The following AKAP8 variants were observed in gnomAD, a reference collection of about 807,000 sequenced individuals.
The protein encoded by AKAP8 is A-kinase anchoring protein 8.
Under a neutral mutation model 67.5 loss-of-function variants are expected in AKAP8, and 24 were observed. That is an observed-to-expected ratio of 0.36 (90% CI 0.26 to 0.50). The LOEUF is 0.50. Ranked by LOEUF, AKAP8 falls within the 20% of genes least tolerant of loss-of-function variation. AKAP8 has a pLI of 0.97. For missense variants in AKAP8, 971 were observed against 955.9 expected (o/e 1.02, Z -0.21); for synonymous variants, 400 against 371.1 (o/e 1.08, Z -0.90).
chr19:15,358,498 C>T (rs1966914199), intron 13 of AKAP8, among the ~76,000 whole-genome samples: 1 of 152,040 alleles, frequency 6.6e-6, no homozygotes, highest in Non-Finnish European at 1.5e-5. Flanking sequence ...AGGCATGAGC[C>T]ATAATTCCCG....
chr19:15,368,424 C>A, intron 8 of AKAP8, 102 bp from the exon 9 acceptor site: 1 of 1,591,516 alleles, frequency 6.3e-7, no homozygotes, highest in Non-Finnish European at 8.5e-7. Context: ...GCACCCTGTG[C>A]CCTGCCACTG....
intron 12 of AKAP8, 114 bp from the exon 13 acceptor site, chr19:15,359,176 C>T: frequency 1.1e-6 from 1 of 898,288 alleles, no homozygotes; most frequent in East Asian, 2.5e-5. Context: ...AGAAGCGAAT[C>T]TCAAAACGCC....
At chr19:15,364,515 TA>T (rs1274403026) in intron 9 of AKAP8, among the ~76,000 whole-genome samples, 6 of 151,894 alleles carry the variant, frequency 4.0e-5, no homozygotes, top group African/African-American at 1.5e-4. Flanking sequence ...CACTCCCAGT[TA>T]ATTTTTGTAT....
At chr19:15,370,922 G>A (rs186804540) in intron 7 of AKAP8, among the ~76,000 whole-genome samples, 14 of 152,166 alleles carry the variant, frequency 9.2e-5, no homozygotes, top group South Asian at 6.2e-4. Context: ...GAGCCACCGC[G>A]CCAGGCCTAT....
chr19:15,379,368 A>C (rs1203808458), intron 1 of AKAP8: 1 of 307,550 alleles, frequency 3.3e-6, no homozygotes, highest in Non-Finnish European at 6.0e-6. Context: ...CCGGGAGTGC[A>C]AACCCCGGGG....
intron 10 of AKAP8, 119 bp from the exon 11 acceptor site, chr19:15,361,941 A>G (rs997205284): frequency 6.5e-5 from 88 of 1,346,988 alleles, no homozygotes; most frequent in Non-Finnish European, 8.2e-5. Flanking sequence ...GCACAGCACG[A>G]TGGCTGGAGC....
intron 2 of AKAP8, 84 bp from the exon 3 acceptor site, chr19:15,374,719 A>C (rs1230423978): frequency 4.6e-6 from 7 of 1,514,778 alleles, no homozygotes; most frequent in Non-Finnish European, 6.4e-6. Flanking sequence ...TCCACCCTCC[A>C]CAGCCCCAGG....
intron 4 of AKAP8, 55 bp downstream of exon 4, chr19:15,373,731 C>T (rs549338745): frequency 2.3e-5 from 36 of 1,541,386 alleles, no homozygotes; most frequent in Non-Finnish European, 2.8e-5. Context: ...CACTCCCATG[C>T]GCACAAAGGT....
intron 11 of AKAP8, among the ~76,000 whole-genome samples, chr19:15,361,263 C>T (rs943607432): frequency 3.7e-5 from 2 of 54,152 alleles, no homozygotes; most frequent in East Asian, 2.5e-3. Flanking sequence ...AGGCCACATC[C>T]GAAGGTTTCT....
At chr19:15,377,073 TG>T (rs1568255587) in intron 1 of AKAP8, 59 bp from the exon 2 acceptor site, 1 of 1,569,280 alleles carries the variant, frequency 6.4e-7, no homozygotes, top group Non-Finnish European at 8.7e-7. Flanking sequence ...CGGGTCCTTT[TG>T]GGGGTACTCC....
chr19:15,370,202 T>TC, intron 7 of AKAP8, 23 bp from the exon 8 acceptor site: 1 of 1,613,834 alleles, frequency 6.2e-7, no homozygotes, highest in Non-Finnish European at 8.5e-7. Context: ...ATACACAAAG[T>TC]CCGGCAGTGA....
intron 9 of AKAP8, among the ~76,000 whole-genome samples, chr19:15,366,154 G>GAAAAAAAAAAAAAAAAAAAAAA (rs374068497): frequency 1.1e-5 from 1 of 95,028 alleles, no homozygotes; most frequent in African/African-American, 4.3e-5. Context: ...AAAGCAAAAA[G>GAAAAAAAAAAAAAAAAAAAAAA]AAAAAAAAAA....
chr19:15,373,518 G>A (rs1967198603), intron 4 of AKAP8, among the ~76,000 whole-genome samples, 178 bp from the exon 5 acceptor site: 2 of 152,084 alleles, frequency 1.3e-5, no homozygotes, highest in South Asian at 2.1e-4. Flanking sequence ...TGCTGAGCAG[G>A]GGACAGAGCC....
chr19:15,358,479 T>C (rs1206658050), intron 13 of AKAP8, among the ~76,000 whole-genome samples: 5 of 152,046 alleles, frequency 3.3e-5, no homozygotes, highest in Non-Finnish European at 7.4e-5. Context: ...CCCAAACTAT[T>C]GGCATTACAG....
chr19:15,377,737 G>C (rs923866610), intron 1 of AKAP8, among the ~76,000 whole-genome samples: 1 of 152,082 alleles, frequency 6.6e-6, no homozygotes, highest in Non-Finnish European at 1.5e-5. Context: ...CAAAGTGCTG[G>C]GATTACAGGC....
chr19:15,358,232 A>G (rs1341410348), intron 13 of AKAP8, among the ~76,000 whole-genome samples: 5 of 152,104 alleles, frequency 3.3e-5, no homozygotes, highest in African/African-American at 4.8e-5. Context: ...GGACTTCGAT[A>G]TGCTGCTCCC....
At chr19:15,377,985 T>A (rs1967282902) in intron 1 of AKAP8, among the ~76,000 whole-genome samples, 1 of 152,142 alleles carries the variant, frequency 6.6e-6, no homozygotes. Flanking sequence ...GTGGCCACCA[T>A]GCCTGTTAAA....
At position 15,372,861 on chromosome 19, in the gene AKAP8, T is replaced by A. The variant is rs750533192; in HGVS notation, c.851A>T (p.Asp284Val). The A allele has an allele frequency of 2.7e-6, 4 of 1,500,436 alleles. No individual in the cohort carries two copies. The highest frequency in any genetic ancestry group is 3.6e-6 in the Non-Finnish European group (4 of 1,125,356). 92.9% of individuals were successfully genotyped at this position (1,500,436 alleles called of 1,614,324 possible). ...CTTGCGAGGGCTTACCCGATCCCGA[T>A]CCCGCATCCGAGGCTGCGAGCGGCC... ...GCGRSQPRMR[D>V]RDRPKRRGFD... The change falls in exon 5 of 14, where the codon GAT becomes GTT. Residue 284 changes from aspartate (D) to valine (V), a missense_variant. This residue lies in a region of AKAP8 where 763 missense variants were observed against 745.4 expected (regional missense o/e 1.02). Transcript: ENST00000269701.
At chr19:15,363,014 C>T (rs1438980503) in intron 9 of AKAP8, among the ~76,000 whole-genome samples, 3 of 151,886 alleles carry the variant, frequency 2.0e-5, no homozygotes, top group Admixed American at 2.0e-4. Context: ...CCTGCCGCCC[C>T]GTCCGGGATG....
Sources: allele counts gnomAD v4.1 joint callset (sites outside exome capture counted in the v4.1 genomes callset), GRCh38; gene constraint gnomAD v4.1.1; regional missense constraint gnomAD v4.1.1; transcripts MANE v1.5; gene names NCBI Gene and HGNC (gene_info 2026-07-23, HGNC 2026-07-21).